XRN2: variants seen among roughly 807,000 people sequenced by gnomAD.
The protein encoded by XRN2 is 5'-3' exoribonuclease 2.
A neutral mutation model predicts 138.5 loss-of-function variants in XRN2; 44 were observed. That is an observed-to-expected ratio of 0.32 (90% CI 0.25 to 0.41). XRN2 has a LOEUF of 0.41. XRN2 is among the 10% of genes least tolerant of loss of function. XRN2 has a pLI of 1.00. For missense variants in XRN2, 937 were observed against 1,169.3 expected (o/e 0.80, Z 2.90); for synonymous variants, 354 against 369.4 (o/e 0.96, Z 0.48).
In XRN2 at chr20:21,389,672, T is replaced by C. The variant is rs994396208; in HGVS notation, c.*334T>C. The C allele has an allele frequency of 1.4e-5, 2 of 145,078 alleles. No individual in the cohort carries two copies. The highest frequency in any genetic ancestry group is 3.2e-5 in the African/African-American group (1 of 30,996). The allele number at this position is 145,078 out of a possible 1,614,324, so 9.0% of individuals were successfully genotyped here. A position where few individuals can be genotyped will look rare whatever the true frequency, so the allele number is the denominator to read the frequency against. On this transcript the variant is annotated 3_prime_UTR_variant, in exon 30 of 30. Coordinates refer to ENST00000377191, the MANE Select transcript of XRN2 (RefSeq NM_012255.5). ...CATCTAAGATCCATGCTGATTTTTA[T>C]TGCACAAGAATTAGGTTTGAACTCG...
At chr20:21,313,871 C>G (rs894536806) in intron 1 of XRN2, among the ~76,000 whole-genome samples, 1 of 152,194 alleles carries the variant, frequency 6.6e-6, no homozygotes, top group African/African-American at 2.4e-5. Flanking sequence ...TCTATTTTCT[C>G]TAATATGATT....
intron 3 of XRN2, among the ~76,000 whole-genome samples, chr20:21,326,989 T>C (rs552118993): frequency 6.6e-6 from 1 of 152,294 alleles, no homozygotes; most frequent in Admixed American, 6.5e-5. Flanking sequence ...AGGTGACTTT[T>C]GTTCCATTTC....
rs17664427 is a variant in XRN2 at position 21,383,017 on chromosome 20, A to C, written c.2648+960A>C. On this transcript the variant is annotated intron_variant, in intron 28 of 29. Coordinates refer to ENST00000377191, the MANE Select transcript of XRN2 (RefSeq NM_012255.5). ...TCTGAAATGAATAGTGTTTTTATAA[A>C]TGGGATTCTAAATGCAGCTTCCCTT... Among the ~76,000 whole-genome samples, 1,505 of 152,288 alleles carry C rather than the reference A, an allele frequency of 9.9e-3. 14 individuals carry two copies. Among genetic ancestry groups the C allele is most frequent in the Middle Eastern group, 0.017 (5 of 294 alleles).
intron 1 of XRN2, among the ~76,000 whole-genome samples, chr20:21,318,137 A>G (rs2037985191): frequency 6.6e-6 from 1 of 152,120 alleles, no homozygotes; most frequent in South Asian, 2.1e-4. Context: ...TCTTTCTTGA[A>G]TCATTTTTGG....
chr20:21,331,471 C>T, intron 6 of XRN2, 90 bp from the exon 7 acceptor site: 2 of 1,098,996 alleles, frequency 1.8e-6, no homozygotes, highest in East Asian at 2.5e-5. Flanking sequence ...TAACACTTAT[C>T]TCAGTTTTTC....
intron 13 of XRN2, 34 bp downstream of exon 13, chr20:21,334,219 T>C: frequency 1.9e-6 from 3 of 1,559,254 alleles, no homozygotes; most frequent in Non-Finnish European, 2.6e-6. Flanking sequence ...CTAAAATTGC[T>C]CCTGTCTCTA....
intron 1 of XRN2, among the ~76,000 whole-genome samples, chr20:21,316,872 A>G (rs1453164012): frequency 6.6e-6 from 1 of 152,138 alleles, no homozygotes; most frequent in Non-Finnish European, 1.5e-5. Flanking sequence ...TAGTTTTTTG[A>G]TACTATTGTG....
intron 28 of XRN2, among the ~76,000 whole-genome samples, chr20:21,385,024 A>T (rs2038923487): frequency 6.6e-6 from 1 of 152,104 alleles, no homozygotes; most frequent in Admixed American, 6.6e-5. Context: ...ATTATTGATG[A>T]TTTTTTTCAT....
At position 21,382,060 on chromosome 20, in the gene XRN2, A is replaced by G. The variant is rs1275214525; in HGVS notation, c.2648+3A>G. On this transcript the variant is annotated splice_donor_region_variant and intron_variant, in intron 28 of 29. Transcript: ENST00000377191. ...TTCCAGCAGCAAAGGTTTGACAGGT[A>G]ATATTAAAAGTAGACATGACTTTTA... The G allele has an allele frequency of 6.7e-7, 1 of 1,491,892 alleles. No homozygotes were observed. Among genetic ancestry groups the G allele is most frequent in the Non-Finnish European group, 8.8e-7 (1 of 1,131,438 alleles). The allele number at this position is 1,491,892 out of a possible 1,614,324, so 92.4% of individuals were successfully genotyped here. A position where few individuals can be genotyped will look rare whatever the true frequency, so the allele number is the denominator to read the frequency against.
intron 3 of XRN2, among the ~76,000 whole-genome samples, chr20:21,327,668 A>G (rs971401099): frequency 6.6e-6 from 1 of 152,202 alleles, no homozygotes; most frequent in African/African-American, 2.4e-5. Context: ...AGTATAAAAT[A>G]TGTACACATT....
At chr20:21,304,348 C>CTTTTTTTTTT (rs111498218) in intron 1 of XRN2, among the ~76,000 whole-genome samples, 2 of 137,014 alleles carry the variant, frequency 1.5e-5, no homozygotes, top group African/African-American at 2.7e-5. Flanking sequence ...CTTATTTCTG[C>CTTTTTTTTTT]TTTTTTTTTT....
chr20:21,350,553 A>G (rs1184708716), intron 20 of XRN2, among the ~76,000 whole-genome samples: 1 of 145,308 alleles, frequency 6.9e-6, no homozygotes, highest in African/African-American at 2.6e-5. Context: ...AAAAAAAAAA[A>G]GAAATATCTC....
chr20:21,312,216 C>G (rs1199631085), intron 1 of XRN2, among the ~76,000 whole-genome samples: 2 of 151,766 alleles, frequency 1.3e-5, no homozygotes, highest in African/African-American at 4.8e-5. Context: ...AGGCTCACGC[C>G]ATTCTCCTGC....
chr20:21,331,399 TCACACACACACACACACACACACA>T (rs71806398), intron 6 of XRN2, among the ~76,000 whole-genome samples, 138 bp from the exon 7 acceptor site: 1 of 143,952 alleles, frequency 6.9e-6, no homozygotes, highest in Admixed American at 7.0e-5. Flanking sequence ...TTGGTGTTTT[TCACACACACACACACACACACACA>T]CACACACACA....
chr20:21,358,011 T>C (rs1318097890), intron 24 of XRN2, among the ~76,000 whole-genome samples: 1 of 152,214 alleles, frequency 6.6e-6, no homozygotes, highest in African/African-American at 2.4e-5. Context: ...CTTATCTGTT[T>C]TCTGGTTTCC....
intron 27 of XRN2, among the ~76,000 whole-genome samples, chr20:21,369,381 T>C (rs992468637): frequency 3.3e-5 from 5 of 152,172 alleles, no homozygotes; most frequent in Non-Finnish European, 7.3e-5. Flanking sequence ...AATGTGGGAG[T>C]GCAGATGTCT....
intron 24 of XRN2, among the ~76,000 whole-genome samples, chr20:21,359,774 C>G (rs1277084263): frequency 6.6e-6 from 1 of 152,066 alleles, no homozygotes; most frequent in African/African-American, 2.4e-5. Flanking sequence ...GTTGTACATT[C>G]CAGTGTTAAA....
At chr20:21,319,636 G>C (rs904531981) in intron 1 of XRN2, among the ~76,000 whole-genome samples, 2 of 152,016 alleles carry the variant, frequency 1.3e-5, no homozygotes, top group African/African-American at 4.8e-5. Context: ...ATCAAATTCA[G>C]ATTTATACTT....
intron 1 of XRN2, among the ~76,000 whole-genome samples, chr20:21,309,805 A>C (rs1392859615): frequency 1.6e-4 from 25 of 151,758 alleles, no homozygotes; most frequent in Admixed American, 1.6e-3. Context: ...TATTGTTAGA[A>C]TCTGTAGTGA....
Sources: gnomAD v4.1 joint callset for allele counts (sites outside exome capture counted in the v4.1 genomes callset) on GRCh38, gnomAD v4.1.1 for gene constraint, MANE v1.5 for transcripts, NCBI Gene and HGNC (gene_info 2026-07-23, HGNC 2026-07-21) for gene names.